Variants in CLCC1 observed in about 807,000 individuals in gnomAD.
CLCC1 encodes the protein chloride channel CLIC-like protein 1.
Under a neutral mutation model 63.3 loss-of-function variants are expected in CLCC1, and 39 were observed. The observed-to-expected ratio is 0.62, with a 90% confidence interval of 0.48 to 0.81. CLCC1 has a LOEUF of 0.81. CLCC1 is among the 30% of genes least tolerant of loss of function. The pLI, the probability that CLCC1 is intolerant of heterozygous loss-of-function variation, is 0.00. For synonymous variants in CLCC1, 217 were observed against 239.8 expected, an observed-to-expected ratio of 0.90 and a Z score of 0.88; for missense variants, 549 against 669.4, an observed-to-expected ratio of 0.82 and a Z score of 1.98.
At chr1:108,933,808 A>G (rs1652406990) in intron 12 of CLCC1, 1 of 152,228 alleles carries the variant, frequency 6.6e-6, no homozygotes, top group Admixed American at 6.5e-5. Flanking sequence ...CTTCTTCCTC[A>G]TCATGGTATT....
intron 6 of CLCC1, 23 bp downstream of exon 6, chr1:108,943,813 C>G: frequency 6.4e-7 from 1 of 1,560,542 alleles, no homozygotes; most frequent in Non-Finnish European, 8.8e-7. Flanking sequence ...AATGACGTTG[C>G]CCTTGCCCTC....
intron 4 of CLCC1, 56 bp from the exon 5 acceptor site, chr1:108,947,774 T>G: frequency 8.3e-7 from 1 of 1,209,408 alleles, no homozygotes; most frequent in Non-Finnish European, 1.2e-6. Context: ...ATATAAGGGT[T>G]AAGTTTCTAG....
At position 108,947,609 on chromosome 1, in the gene CLCC1, A is replaced by G. The variant is rs770060947; in HGVS notation, c.339+2T>C. On this transcript the variant is annotated splice_donor_variant, in intron 5 of 12. Transcript: ENST00000369969. LOFTEE classifies it high-confidence loss of function. ...ATTAGTATCACACCATCAAATACTC[A>G]CAAGTCCAAGCTTTCCAGCTTCAAT... 2.5e-6 allele frequency: 4 copies of G among 1,576,268 alleles called. No individual in the cohort carries two copies. Among genetic ancestry groups the G allele is most frequent in the East Asian group, 2.2e-5 (1 of 44,658 alleles).
At chr1:108,960,057 C>T (rs1029085205) in intron 2 of CLCC1, among the ~76,000 whole-genome samples, 4 of 152,074 alleles carry the variant, frequency 2.6e-5, no homozygotes, top group Admixed American at 1.3e-4. Flanking sequence ...TCACTTGAGC[C>T]GGGGAGGTTG....
intron 2 of CLCC1, among the ~76,000 whole-genome samples, chr1:108,958,712 C>T (rs1179566757): frequency 1.3e-5 from 2 of 150,788 alleles, no homozygotes; most frequent in African/African-American, 5.0e-5. Flanking sequence ...AACCCCGTCT[C>T]TACTAAAAAT....
intron 12 of CLCC1, chr1:108,932,740 A>T (rs1252895421): frequency 6.6e-6 from 1 of 152,204 alleles, no homozygotes; most frequent in African/African-American, 2.4e-5. Context: ...ATACGCATGG[A>T]TGTTCACAAA....
At chr1:108,948,268 T>C (rs891143127) in intron 4 of CLCC1, among the ~76,000 whole-genome samples, 4 of 152,190 alleles carry the variant, frequency 2.6e-5, no homozygotes, top group Non-Finnish European at 5.9e-5. Context: ...TATGGAATGC[T>C]CAGGAAGGCA....
rs1651690450 is a variant in CLCC1 at position 108,930,238 on chromosome 1, A to G, written c.*2309T>C. 3.4e-6 allele frequency: 1 copy of G among 296,568 alleles called. No homozygotes were observed. Among genetic ancestry groups the G allele is most frequent in the African/African-American group, 2.2e-5 (1 of 46,298 alleles). The allele number at this position is 296,568 out of a possible 1,614,324, so 18.4% of individuals were successfully genotyped here. ...TATAAAGTAGGAAGTTAAGTGAATC[A>G]TAGATTAGAATTTAATACTCTTATG... On this transcript the variant is annotated 3_prime_UTR_variant, in exon 13 of 13. Coordinates refer to ENST00000369969, the MANE Select transcript of CLCC1 (RefSeq NM_001377458.1).
intron 10 of CLCC1, among the ~76,000 whole-genome samples, chr1:108,937,816 C>A (rs1045061582): frequency 1.3e-5 from 2 of 152,146 alleles, no homozygotes; most frequent in Non-Finnish European, 2.9e-5. Flanking sequence ...ATCTTCTGTA[C>A]ATTTTCTTTT....
At chr1:108,944,437 C>G (rs1447299731) in intron 5 of CLCC1, among the ~76,000 whole-genome samples, 1 of 151,502 alleles carries the variant, frequency 6.6e-6, no homozygotes, top group Non-Finnish European at 1.5e-5. Flanking sequence ...CCACTGCACT[C>G]CAGCATGGGA....
At chr1:108,939,297 C>T (rs338481) in intron 10 of CLCC1, among the ~76,000 whole-genome samples, 50,651 of 143,138 alleles carry the variant, frequency 0.35, 10,797 homozygotes, top group African/African-American at 0.6. Context: ...TATAAATATA[C>T]ATATATGTAT....
chr1:108,946,332 CTAAA>C (rs1654534772), intron 5 of CLCC1, among the ~76,000 whole-genome samples: 1 of 148,586 alleles, frequency 6.7e-6, no homozygotes, highest in Non-Finnish European at 1.5e-5. Flanking sequence ...AAATCAGAAA[CTAAA>C]TATTTTCCAG....
chr1:108,938,250 G>A (rs1653311233), intron 10 of CLCC1, among the ~76,000 whole-genome samples: 1 of 152,212 alleles, frequency 6.6e-6, no homozygotes, highest in Non-Finnish European at 1.5e-5. Flanking sequence ...TTCTGTACTA[G>A]TTTTTCAAAC....
chr1:108,943,472 T>C lies in CLCC1; in HGVS notation c.702+3A>G. On this transcript the variant is annotated splice_donor_region_variant and intron_variant, in intron 7 of 12. Coordinates refer to ENST00000369969, the MANE Select transcript of CLCC1 (RefSeq NM_001377458.1). ...ATTGTAAAACCCTCCATCCATATAA[T>C]ACCTTATATAAATACATCCAATTCC... 6.2e-7 allele frequency: 1 copy of C among 1,611,160 alleles called. No individual in the cohort carries two copies. The highest frequency in any genetic ancestry group is 8.5e-7 in the Non-Finnish European group (1 of 1,177,812).
At position 108,931,438 on chromosome 1, in the gene CLCC1, A is replaced by G. The variant is rs973737893; in HGVS notation, c.*1109T>C. 5 of 1,550,966 alleles carry G rather than the reference A, an allele frequency of 3.2e-6. No individual in the cohort carries two copies. The South Asian group carries it at 5.9e-5, about 18-fold the overall frequency. ...ACAGACTGCAAAGGCCCACGCTTGG[A>G]ACAAGTTGCCAACTTGTTTCACTCT... is the stretch of plus-strand genomic sequence containing the variant. On this transcript the variant is annotated 3_prime_UTR_variant, in exon 13 of 13. Coordinates refer to ENST00000369969, the MANE Select transcript of CLCC1 (RefSeq NM_001377458.1).
intron 10 of CLCC1, among the ~76,000 whole-genome samples, chr1:108,939,257 T>TAA (rs1185241180): frequency 6.9e-6 from 1 of 145,940 alleles, no homozygotes; most frequent in Non-Finnish European, 1.5e-5. Context: ...TATAGACAGA[T>TAA]ATATAAATAT....
chr1:108,954,632 A>T (rs1051173674), intron 2 of CLCC1, among the ~76,000 whole-genome samples: 1 of 151,346 alleles, frequency 6.6e-6, no homozygotes, highest in African/African-American at 2.5e-5. Context: ...GTGGCAAGAA[A>T]ACCAGAAAGA....
At position 108,930,538 on chromosome 1, in the gene CLCC1, G is replaced by A. The variant is rs112731274; in HGVS notation, c.*2009C>T. The A allele has an allele frequency of 4.0e-3, 584 of 145,786 alleles. 2 individuals carry two copies. The highest frequency in any genetic ancestry group is 7.0e-3 in the Non-Finnish European group (463 of 66,576). 9.0% of individuals were successfully genotyped at this position (145,786 alleles called of 1,614,324 possible). A position where few individuals can be genotyped will look rare whatever the true frequency, so the allele number is the denominator to read the frequency against. ...ATTGGGAGGCTGAGGCAGGAGGATCGCTTGAGGCTAGGAGTTCAAGACCAA... is the reference window on the plus strand; with the variant it reads ...ATTGGGAGGCTGAGGCAGGAGGATCACTTGAGGCTAGGAGTTCAAGACCAA... On this transcript the variant is annotated 3_prime_UTR_variant, in exon 13 of 13. Coordinates refer to ENST00000369969, the MANE Select transcript of CLCC1 (RefSeq NM_001377458.1).
At chr1:108,959,537 G>C (rs1189658360) in intron 2 of CLCC1, among the ~76,000 whole-genome samples, 2 of 152,084 alleles carry the variant, frequency 1.3e-5, no homozygotes, top group African/African-American at 4.8e-5. Flanking sequence ...ATTGTGTATT[G>C]TTATAATTTT....
Sources: gnomAD v4.1 joint callset for allele counts (sites outside exome capture counted in the v4.1 genomes callset) on GRCh38, gnomAD v4.1.1 for gene constraint, MANE v1.5 for transcripts, NCBI Gene and HGNC (gene_info 2026-07-23, HGNC 2026-07-21) for gene names.